NHSL2: variants seen among roughly 807,000 people sequenced by gnomAD.
NHSL2 encodes NHS-like protein 2.
Under a neutral mutation model 53.4 loss-of-function variants are expected in NHSL2, and 27 were observed. The ratio of observed to expected loss-of-function variants is 0.51; its 90% CI spans 0.37 to 0.70. The LOEUF is 0.70. Ranked by LOEUF, NHSL2 falls within the 30% of genes least tolerant of loss-of-function variation. NHSL2 has a pLI of 0.00. For synonymous variants in NHSL2, 408 were observed against 404.1 expected, an observed-to-expected ratio of 1.01 and a Z score of -0.12; for missense variants, 892 against 980.1, an observed-to-expected ratio of 0.91 and a Z score of 1.20.
chrX:71,996,621 G>C (rs1467409925), intron 1 of NHSL2, among the ~76,000 whole-genome samples: 1 of 112,477 alleles, frequency 8.9e-6, no homozygotes, highest in Non-Finnish European at 1.9e-5. Flanking sequence ...ACCATGTGAA[G>C]TAGGCATTAT....
chrX:72,121,254 T>C (rs1430874668), intron 1 of NHSL2, among the ~76,000 whole-genome samples: 1 of 111,954 alleles, frequency 8.9e-6, no homozygotes, highest in African/African-American at 3.3e-5. Flanking sequence ...TTGGGGTCCC[T>C]GGCCCAGTTG....
At chrX:71,974,926 C>A (rs1318916496) in intron 1 of NHSL2, among the ~76,000 whole-genome samples, 3 of 112,102 alleles carry the variant, frequency 2.7e-5, no homozygotes, top group Admixed American at 1.9e-4. Flanking sequence ...TGCTCATCCC[C>A]ACCATTTTAT....
At chrX:71,983,616 A>C (rs2041990132) in intron 1 of NHSL2, among the ~76,000 whole-genome samples, 1 of 110,628 alleles carries the variant, frequency 9.0e-6, no homozygotes, top group African/African-American at 3.3e-5. Flanking sequence ...GTCTCTAAAA[A>C]AAAAATAAAA....
intron 1 of NHSL2, among the ~76,000 whole-genome samples, chrX:72,084,314 C>G (rs950794113): frequency 2.7e-5 from 3 of 112,410 alleles, no homozygotes; most frequent in Non-Finnish European, 5.6e-5. Flanking sequence ...AGATGCCAAG[C>G]CAGAGCCTGC....
chrX:71,923,430 A>G (rs1447050379), intron 1 of NHSL2, among the ~76,000 whole-genome samples: 1 of 112,464 alleles, frequency 8.9e-6, no homozygotes, highest in South Asian at 3.7e-4. Context: ...CAGACAAGGC[A>G]TTGGGCTTGG....
intron 1 of NHSL2, among the ~76,000 whole-genome samples, chrX:72,062,431 T>TG (rs1274135052): frequency 8.9e-6 from 1 of 112,414 alleles, no homozygotes; most frequent in Non-Finnish European, 1.9e-5. Flanking sequence ...CAAAAATACT[T>TG]GGAGACCACA....
rs2042092813 is a variant in NHSL2 at position 72,111,455 on chromosome X, G to T, written c.281-20624G>T. On this transcript the variant is annotated intron_variant, in intron 1 of 7. Transcript: ENST00000633930. Reference sequence around the variant, plus strand: ...ACTCTTTATTGCGTCTTTACTGTGAGCCAGGCACTGCACTAAGAAGTACTG... The same window carrying T: ...ACTCTTTATTGCGTCTTTACTGTGATCCAGGCACTGCACTAAGAAGTACTG... Among the ~76,000 whole-genome samples, 3 of 112,544 alleles carry T rather than the reference G, an allele frequency of 2.7e-5. No individual in the cohort carries two copies. The South Asian group carries it at 1.1e-3, about 41-fold the overall frequency.
In NHSL2 at chrX:72,144,521, G is replaced by T. The variant is rs2042446931; in HGVS notation, c.*947G>T. ...AACTGAAGGAACAGCATCATCAAAG[G>T]CTCAAGGATAATGGAAAGTAAGTGC... is the stretch of plus-strand genomic sequence containing the variant. On this transcript the variant is annotated 3_prime_UTR_variant, in exon 8 of 8. Transcript: ENST00000633930. The T allele has an allele frequency of 9.8e-7, 1 of 1,021,309 alleles. No homozygotes were observed. The highest frequency in any genetic ancestry group is 2.0e-5 in the African/African-American group (1 of 51,145). 84.2% of individuals were successfully genotyped at this position (1,021,309 alleles called of 1,213,427 possible).
intron 1 of NHSL2, among the ~76,000 whole-genome samples, chrX:72,095,416 C>T (rs1394436107): frequency 1.8e-5 from 2 of 112,469 alleles, no homozygotes; most frequent in African/African-American, 6.5e-5. Context: ...GGTACAGCAA[C>T]TCTGTGCCCT....
At chrX:72,032,237 A>G (rs929214650) in intron 1 of NHSL2, among the ~76,000 whole-genome samples, 5 of 111,126 alleles carry the variant, frequency 4.5e-5, no homozygotes, top group Non-Finnish European at 9.4e-5. Flanking sequence ...ACAAAAAAAT[A>G]TAAAAATTAG....
intron 1 of NHSL2, among the ~76,000 whole-genome samples, chrX:71,966,946 TA>T (rs766023169): frequency 8.9e-6 from 1 of 112,364 alleles, no homozygotes; most frequent in African/African-American, 3.2e-5. Context: ...GAAAGGTTAT[TA>T]ATTACTGATT....
At chrX:71,939,646 C>T (rs1273990085) in intron 1 of NHSL2, among the ~76,000 whole-genome samples, 7 of 111,881 alleles carry the variant, frequency 6.3e-5, no homozygotes. Flanking sequence ...TCCAGATCTG[C>T]CACTGATTGG....
intron 1 of NHSL2, chrX:72,127,961 C>T (rs761149842): frequency 1.8e-5 from 2 of 112,792 alleles, no homozygotes; most frequent in South Asian, 7.3e-4. Context: ...TAGTGCTTGC[C>T]TCTGTGTGGT....
chrX:71,943,760 C>T (rs1017411907), intron 1 of NHSL2, among the ~76,000 whole-genome samples: 2 of 112,438 alleles, frequency 1.8e-5, no homozygotes, highest in Non-Finnish European at 3.8e-5. Context: ...ACTGGGTATA[C>T]TTTGGCCTGA....
chrX:72,129,493 T>G, intron 1 of NHSL2: 1 of 228,432 alleles, frequency 4.4e-6, no homozygotes, highest in Non-Finnish European at 8.0e-6. Context: ...GAGGTGAGGG[T>G]TAGGAACAAC....
intron 1 of NHSL2, among the ~76,000 whole-genome samples, chrX:72,033,074 T>C (rs2042223885): frequency 8.9e-6 from 1 of 112,014 alleles, no homozygotes; most frequent in Non-Finnish European, 1.9e-5. Flanking sequence ...GCCTAGTGCC[T>C]TTCCACGTAA....
At chrX:71,978,684 C>CT (rs1289527280) in intron 1 of NHSL2, among the ~76,000 whole-genome samples, 188 of 87,840 alleles carry the variant, frequency 2.1e-3, no homozygotes, top group Non-Finnish European at 2.6e-3. Context: ...GGGCTCACAT[C>CT]TTTTTTTTTT....
chrX:71,957,904 C>T (rs1027326405), intron 1 of NHSL2, among the ~76,000 whole-genome samples: 3 of 111,614 alleles, frequency 2.7e-5, no homozygotes, highest in Non-Finnish European at 5.7e-5. Flanking sequence ...CTGTTACACA[C>T]GACAGAATGT....
intron 1 of NHSL2, among the ~76,000 whole-genome samples, chrX:72,119,487 T>G (rs1183705938): frequency 8.9e-6 from 1 of 112,658 alleles, no homozygotes; most frequent in East Asian, 2.8e-4. Context: ...TTTGTTAAAT[T>G]TATTGTTATG....
Sources: gnomAD v4.1 joint callset for allele counts (sites outside exome capture counted in the v4.1 genomes callset) on GRCh38, gnomAD v4.1.1 for gene constraint, MANE v1.5 for transcripts, NCBI Gene and HGNC (gene_info 2026-07-23, HGNC 2026-07-21) for gene names.